CDYL2: variants seen among roughly 807,000 people sequenced by gnomAD.
The protein encoded by CDYL2 is chromodomain Y like 2.
In CDYL2, 23 loss-of-function variants were observed where a neutral mutation model predicts 49.4. The observed-to-expected ratio is 0.47, with a 90% confidence interval of 0.34 to 0.66. The LOEUF is 0.66. Among genes scored for constraint, CDYL2 ranks in the 30% least tolerant of loss-of-function variants. The probability of loss-of-function intolerance (pLI) is 0.01; values close to 1 mark genes in which losing one functional copy is unlikely to be tolerated. For synonymous variants in CDYL2, 360 were observed against 268.8 expected (o/e 1.34, Z -3.32); for missense variants, 678 against 656.4 (o/e 1.03, Z -0.36).
intron 1 of CDYL2, among the ~76,000 whole-genome samples, chr16:80,752,607 A>C (rs768167583): frequency 1.3e-4 from 20 of 152,212 alleles, no homozygotes; most frequent in Non-Finnish European, 2.2e-4. Context: ...GAAGAGCTAA[A>C]ATACAACAAA....
chr16:80,727,777 G>A (rs1223823353), intron 1 of CDYL2, among the ~76,000 whole-genome samples: 1 of 152,214 alleles, frequency 6.6e-6, no homozygotes, highest in African/African-American at 2.4e-5. Flanking sequence ...GCCTCCTCAA[G>A]TGGGTCCCTG....
chr16:80,646,020 AT>A (rs1002115170), intron 2 of CDYL2, among the ~76,000 whole-genome samples: 1 of 149,932 alleles, frequency 6.7e-6, no homozygotes, highest in Middle Eastern at 3.4e-3. Context: ...GAGGGATGGC[AT>A]TAGGAGATAT....
chr16:80,748,092 T>A (rs985398915), intron 1 of CDYL2, among the ~76,000 whole-genome samples: 2 of 150,630 alleles, frequency 1.3e-5, no homozygotes, highest in African/African-American at 4.9e-5. Flanking sequence ...ATGGAGCCAG[T>A]TCACACTCAC....
intron 1 of CDYL2, among the ~76,000 whole-genome samples, chr16:80,714,948 C>A (rs550788782): frequency 1.6e-4 from 25 of 152,192 alleles, no homozygotes; most frequent in African/African-American, 6.0e-4. Flanking sequence ...AGGATGTAGT[C>A]AAAGCCTCAG....
chr16:80,733,235 T>C (rs1905395815), intron 1 of CDYL2, among the ~76,000 whole-genome samples: 1 of 152,190 alleles, frequency 6.6e-6, no homozygotes, highest in South Asian at 2.1e-4. Context: ...CTCTTAAATA[T>C]TACTGCAGAA....
intron 5 of CDYL2, among the ~76,000 whole-genome samples, chr16:80,610,971 T>C (rs900418357): frequency 3.9e-5 from 6 of 152,154 alleles, no homozygotes; most frequent in Non-Finnish European, 8.8e-5. Context: ...GCCACTGCCA[T>C]GGCCTCATCC....
intron 3 of CDYL2, among the ~76,000 whole-genome samples, chr16:80,624,859 A>T (rs1453936583): frequency 6.6e-6 from 1 of 152,240 alleles, no homozygotes; most frequent in African/African-American, 2.4e-5. Flanking sequence ...AAGGGAGCAT[A>T]AAGTAACTGA....
chr16:80,679,229 T>C lies in CDYL2; in HGVS notation c.616+5309A>G, dbSNP rs138015665. ...TATACATATGTAACTAACCTGCACA[T>C]TGTACACATGTACCCTAAAACTTAA... is the stretch of plus-strand genomic sequence containing the variant. On this transcript the variant is annotated intron_variant, in intron 2 of 6. Coordinates refer to ENST00000570137, the MANE Select transcript of CDYL2 (RefSeq NM_152342.4). Among the ~76,000 whole-genome samples the C allele has an allele frequency of 4.3e-3, 647 of 151,964 alleles. 7 individuals are homozygous for C. Among genetic ancestry groups the C allele is most frequent in the African/African-American group, 0.015 (626 of 41,410 alleles).
At chr16:80,637,000 C>A (rs1310087336) in intron 2 of CDYL2, among the ~76,000 whole-genome samples, 4 of 152,034 alleles carry the variant, frequency 2.6e-5, no homozygotes, top group African/African-American at 9.7e-5. Context: ...GAGAGTTGAA[C>A]AATGAGAACA....
intron 2 of CDYL2, 55 bp downstream of exon 2, chr16:80,684,483 A>G: frequency 6.5e-7 from 1 of 1,526,826 alleles, no homozygotes; most frequent in Admixed American, 1.8e-5. Flanking sequence ...CTACAGGCAG[A>G]GCTCCCCTTT....
intron 2 of CDYL2, among the ~76,000 whole-genome samples, chr16:80,678,824 G>A (rs1476098088): frequency 6.6e-6 from 1 of 151,176 alleles, no homozygotes; most frequent in Non-Finnish European, 1.5e-5. Context: ...TATGTTTATT[G>A]CGGCACTATT....
At chr16:80,669,939 G>T (rs978697537) in intron 2 of CDYL2, among the ~76,000 whole-genome samples, 1 of 152,146 alleles carries the variant, frequency 6.6e-6, no homozygotes, top group East Asian at 1.9e-4. Context: ...GAGCTGACTC[G>T]GTCCTGTGAG....
At chr16:80,703,772 C>T (rs1342346669) in intron 1 of CDYL2, among the ~76,000 whole-genome samples, 4 of 152,186 alleles carry the variant, frequency 2.6e-5, no homozygotes, top group Non-Finnish European at 5.9e-5. Context: ...AGGACCCCTA[C>T]TGCAGGGTCC....
At chr16:80,604,730 A>C (rs753522313) in intron 6 of CDYL2, among the ~76,000 whole-genome samples, 184 bp from the exon 7 acceptor site, 2 of 152,178 alleles carry the variant, frequency 1.3e-5, no homozygotes, top group Non-Finnish European at 2.9e-5. Context: ...CAGATGTGTC[A>C]AGACGTGAAC....
intron 1 of CDYL2, among the ~76,000 whole-genome samples, chr16:80,789,980 G>C (rs1348329525): frequency 6.6e-6 from 1 of 152,138 alleles, no homozygotes; most frequent in African/African-American, 2.4e-5. Flanking sequence ...GGCTACACTA[G>C]AAACGCAGCC....
chr16:80,723,653 A>C (rs1242482552), intron 1 of CDYL2, among the ~76,000 whole-genome samples: 1 of 152,240 alleles, frequency 6.6e-6, no homozygotes, highest in Non-Finnish European at 1.5e-5. Flanking sequence ...CCAGCCTAAC[A>C]GCTGCTACAG....
chr16:80,772,498 G>A (rs1016570261), intron 1 of CDYL2, among the ~76,000 whole-genome samples: 3 of 152,180 alleles, frequency 2.0e-5, no homozygotes, highest in East Asian at 1.9e-4. Flanking sequence ...TGTAGACCAC[G>A]CTGGAATGCA....
At chr16:80,617,538 C>G (rs2142371837) in intron 4 of CDYL2, among the ~76,000 whole-genome samples, 1 of 152,328 alleles carries the variant, frequency 6.6e-6, no homozygotes. Context: ...GTGCAGAATG[C>G]TTCACTGCCA....
intron 1 of CDYL2, among the ~76,000 whole-genome samples, chr16:80,759,841 T>G (rs1248344521): frequency 6.6e-6 from 1 of 152,080 alleles, no homozygotes; most frequent in Non-Finnish European, 1.5e-5. Context: ...CCAGGGGAAT[T>G]CTAAGATTCC....
Sources: allele counts gnomAD v4.1 joint callset (sites outside exome capture counted in the v4.1 genomes callset), GRCh38; gene constraint gnomAD v4.1.1; transcripts MANE v1.5; gene names NCBI Gene and HGNC (gene_info 2026-07-23, HGNC 2026-07-21).